Variants in SV2C observed in about 807,000 individuals in gnomAD.
SV2C encodes solute carrier family 22 member B3.
A neutral mutation model predicts 79.7 loss-of-function variants in SV2C; 49 were observed. The ratio of observed to expected loss-of-function variants is 0.61; its 90% CI spans 0.49 to 0.78. The LOEUF (loss-of-function observed/expected upper bound fraction) is 0.78. SV2C is among the 30% of genes least tolerant of loss of function. The probability of loss-of-function intolerance (pLI) is 0.00; values close to 1 mark genes in which losing one functional copy is unlikely to be tolerated. For missense variants in SV2C, 833 were observed against 912.9 expected (o/e 0.91, Z 1.13); for synonymous variants, 334 against 333.2 (o/e 1.00, Z -0.03).
the SV2C span, among the ~76,000 whole-genome samples, chr5:76,051,547 A>G: frequency 6.6e-6 from 1 of 152,240 alleles, no homozygotes; most frequent in East Asian, 1.9e-4. Context: ...TCTATTAAAT[A>G]CAACTATGAA....
intron 4 of SV2C, 146 bp from the exon 5 acceptor site, chr5:76,285,016 C>A: frequency 8.3e-7 from 1 of 1,199,982 alleles, no homozygotes; most frequent in Non-Finnish European, 1.2e-6. Flanking sequence ...CTGAGCTGGC[C>A]ACCATGGATG....
chr5:75,999,652 C>CT, the SV2C span, among the ~76,000 whole-genome samples: 38,671 of 148,234 alleles, frequency 0.26, 5,669 homozygotes, highest in East Asian at 0.6. Context: ...TCTTCTCTGC[C>CT]TTTTTTTTTT....
the SV2C span, among the ~76,000 whole-genome samples, chr5:75,996,648 C>T: frequency 1.3e-5 from 2 of 152,192 alleles, no homozygotes; most frequent in Middle Eastern, 6.8e-3. Flanking sequence ...TTTGTATCCT[C>T]TTTTATTTCC....
chr5:75,859,878 A>G, the SV2C span, among the ~76,000 whole-genome samples: 2 of 135,044 alleles, frequency 1.5e-5, no homozygotes, highest in Non-Finnish European at 3.0e-5. Flanking sequence ...GCTCTCCTTC[A>G]CTGATTAATC....
the SV2C span, among the ~76,000 whole-genome samples, chr5:75,960,200 C>A: frequency 6.6e-6 from 1 of 151,872 alleles, no homozygotes; most frequent in Non-Finnish European, 1.5e-5. Context: ...TTTGTTATAA[C>A]CCTATTAACT....
At chr5:75,948,481 A>G in the SV2C span, among the ~76,000 whole-genome samples, 4 of 152,078 alleles carry the variant, frequency 2.6e-5, no homozygotes, top group African/African-American at 9.7e-5. Flanking sequence ...GAGACAAGAA[A>G]AGAGTAGGTA....
chr5:75,849,457 C>T, the SV2C span, among the ~76,000 whole-genome samples: 1,631 of 152,278 alleles, frequency 0.011, 31 homozygotes, highest in African/African-American at 0.035. Flanking sequence ...AAAAAGACCA[C>T]TGTATAGACC....
chr5:76,204,080 A>G (rs1580351776), intron 3 of SV2C, among the ~76,000 whole-genome samples: 3 of 152,348 alleles, frequency 2.0e-5, no homozygotes, highest in Admixed American at 1.3e-4. Flanking sequence ...CCTCTGAGCA[A>G]TCTCCCCAAG....
At chr5:75,893,196 TA>T in the SV2C span, among the ~76,000 whole-genome samples, 311 of 152,230 alleles carry the variant, frequency 2.0e-3, 1 homozygote, top group African/African-American at 7.2e-3. Flanking sequence ...CATTTTTTGA[TA>T]TTTTTTTGGC....
the SV2C span, among the ~76,000 whole-genome samples, chr5:75,956,939 C>T: frequency 6.6e-6 from 1 of 151,954 alleles, no homozygotes; most frequent in African/African-American, 2.4e-5. Context: ...CTTGTAACTT[C>T]TCAGCCATCT....
the SV2C span, among the ~76,000 whole-genome samples, chr5:75,993,449 A>G: frequency 6.6e-6 from 1 of 152,014 alleles, no homozygotes; most frequent in Non-Finnish European, 1.5e-5. Context: ...TCCAGCTCAG[A>G]GCAGCTGGCA....
At chr5:75,866,835 A>C in the SV2C span, among the ~76,000 whole-genome samples, 5 of 152,178 alleles carry the variant, frequency 3.3e-5, no homozygotes, top group African/African-American at 1.2e-4. Context: ...GAACTTGGAG[A>C]GGAAAATAAG....
chr5:76,233,981 T>C (rs915716234), intron 4 of SV2C, among the ~76,000 whole-genome samples: 12 of 152,226 alleles, frequency 7.9e-5, no homozygotes, highest in African/African-American at 2.9e-4. Context: ...ATATTTTTTA[T>C]GTCATAACAA....
the SV2C span, among the ~76,000 whole-genome samples, chr5:76,028,490 G>A: frequency 5.3e-5 from 8 of 152,238 alleles, no homozygotes; most frequent in South Asian, 8.3e-4. Context: ...TAATTATGTC[G>A]TGTCCCTGGA....
chr5:76,255,240 G>T (rs1221645019), intron 4 of SV2C, among the ~76,000 whole-genome samples: 4 of 152,164 alleles, frequency 2.6e-5, no homozygotes, highest in Non-Finnish European at 5.9e-5. Flanking sequence ...AAACCATAAA[G>T]CATTATCAAA....
chr5:76,135,929 C>T (rs933011317), intron 2 of SV2C, among the ~76,000 whole-genome samples: 14 of 152,190 alleles, frequency 9.2e-5, no homozygotes, highest in East Asian at 1.9e-4. Flanking sequence ...GAACAAGCAG[C>T]GTGCTGGCAC....
At chr5:76,049,018 A>AGAAAGAAAGAAG in the SV2C span, among the ~76,000 whole-genome samples, 1 of 103,690 alleles carries the variant, frequency 9.6e-6, no homozygotes, top group African/African-American at 3.3e-5. Flanking sequence ...AAAGAAAGAA[A>AGAAAGAAAGAAG]GAAAGAAAAA....
the SV2C span, among the ~76,000 whole-genome samples, chr5:75,999,686 C>A: frequency 6.7e-6 from 1 of 149,484 alleles, no homozygotes; most frequent in African/African-American, 2.5e-5. Context: ...CTGTCTTAAT[C>A]CTTTGGGCTG....
At chr5:76,146,795 TTTAAAAAAA>T (rs1373904638) in intron 2 of SV2C, among the ~76,000 whole-genome samples, 124 of 76,542 alleles carry the variant, frequency 1.6e-3, no homozygotes, top group African/African-American at 5.8e-3. Flanking sequence ...TGAGTTTTTT[TTTAAAAAAA>T]AAAAAAAAAA....
Sources: allele counts gnomAD v4.1 joint callset (sites outside exome capture counted in the v4.1 genomes callset), GRCh38; gene constraint gnomAD v4.1.1; transcripts MANE v1.5; gene names NCBI Gene and HGNC (gene_info 2026-07-23, HGNC 2026-07-21).